The following CEP76 variants were observed in gnomAD, a reference collection of about 807,000 sequenced individuals.
CEP76 encodes centrosomal protein of 76 kDa.
A neutral mutation model predicts 83.3 loss-of-function variants in CEP76; 55 were observed. The ratio of observed to expected loss-of-function variants is 0.66; its 90% CI spans 0.53 to 0.83. CEP76 has a LOEUF of 0.83. Ranked by LOEUF, CEP76 falls within the 40% of genes least tolerant of loss-of-function variation. The pLI, the probability that CEP76 is intolerant of heterozygous loss-of-function variation, is 0.00. For missense variants in CEP76, 694 were observed against 799.5 expected (o/e 0.87, Z 1.59); for synonymous variants, 270 against 274.5 (o/e 0.98, Z 0.16).
Position 12,695,277 on chromosome 18 carries a change from A to G in CEP76, c.781T>C (p.Ser261Pro). The G allele has an allele frequency of 6.5e-7, 1 of 1,550,184 alleles. No homozygotes were observed. The highest frequency in any genetic ancestry group is 1.2e-5 in the South Asian group (1 of 86,170). The change falls in exon 6 of 12, where the codon TCT becomes CCT. Residue 261 changes from serine (S) to proline (P), a missense_variant. Ser to Pro is a moderately conservative substitution (Grantham distance 74). Coordinates refer to ENST00000262127, the MANE Select transcript of CEP76 (RefSeq NM_024899.4). ...EMYPPLNQTLSQEVVNTQLAL... is the reference protein window; with the variant it reads ...EMYPPLNQTLPQEVVNTQLAL... ...ACCTGTGTGTTCACTACTTCTTGAG[A>G]TAACGTTTGATTGAGTGGTGGATAC...
rs1173362967 is a variant in CEP76 at position 12,673,523 on chromosome 18, T to A, written c.1842-20A>T. On this transcript the variant is annotated intron_variant, in intron 11 of 11. Coordinates refer to ENST00000262127, the MANE Select transcript of CEP76 (RefSeq NM_024899.4). ...GGAGATCTATTTAAGAAAAAAAAAA[T>A]TATTCAATTAAGAAGTGACCATACA... 20 of 1,519,166 alleles carry A rather than the reference T, an allele frequency of 1.3e-5. No homozygotes were observed. The highest frequency in any genetic ancestry group is 2.3e-5 in the Admixed American group (1 of 43,886). 94.1% of individuals were successfully genotyped at this position (1,519,166 alleles called of 1,614,324 possible). A position where few individuals can be genotyped will look rare whatever the true frequency, so the allele number is the denominator to read the frequency against.
downstream of CEP76, among the ~76,000 whole-genome samples, chr18:12,669,418 T>C (rs904658766): frequency 1.3e-5 from 2 of 151,928 alleles, no homozygotes; most frequent in Non-Finnish European, 2.9e-5. Flanking sequence ...GGCCCCAATT[T>C]TTTTTATTTT....
intron 5 of CEP76, among the ~76,000 whole-genome samples, chr18:12,696,527 C>A (rs28655556): frequency 6.0e-5 from 9 of 150,640 alleles, no homozygotes; most frequent in African/African-American, 2.0e-4. Context: ...TAATAATAAT[C>A]TAAATTACTA....
chr18:12,691,227 T>C, intron 7 of CEP76, 132 bp downstream of exon 7: 1 of 574,726 alleles, frequency 1.7e-6, no homozygotes, highest in Non-Finnish European at 2.8e-6. Flanking sequence ...TATTACAAAA[T>C]CAGCATTTTA....
intron 12 of CEP76, among the ~76,000 whole-genome samples, chr18:12,666,273 G>A (rs761023512): frequency 1.3e-5 from 2 of 152,008 alleles, no homozygotes; most frequent in Non-Finnish European, 2.9e-5. Context: ...GGTTAAAAGT[G>A]AGCTGTGATC....
intron 12 of CEP76, among the ~76,000 whole-genome samples, chr18:12,662,437 T>C (rs1471066570): frequency 1.3e-5 from 2 of 152,246 alleles, no homozygotes; most frequent in Admixed American, 6.5e-5. Context: ...AGCTCAGCTC[T>C]TTCTCCTACA....
intron 8 of CEP76, among the ~76,000 whole-genome samples, chr18:12,683,567 A>G (rs186741826): frequency 5.9e-4 from 90 of 152,096 alleles, no homozygotes; most frequent in African/African-American, 2.0e-3. Flanking sequence ...CCTAGCCAAC[A>G]CAGTGAAACC....
chr18:12,676,378 G>A (rs774186112), intron 10 of CEP76, among the ~76,000 whole-genome samples: 28 of 140,268 alleles, frequency 2.0e-4, no homozygotes, highest in South Asian at 1.8e-3. Flanking sequence ...CTGCCTCCCC[G>A]GCTCCTTTCA....
downstream of CEP76, among the ~76,000 whole-genome samples, chr18:12,669,246 G>A (rs150389184): frequency 8.8e-3 from 1,332 of 151,700 alleles, 26 homozygotes; most frequent in African/African-American, 0.03. Context: ...CCGAGTAGCT[G>A]GGAATACAGG....
Position 12,699,862 on chromosome 18 carries a change from A to G in CEP76, c.263T>C (p.Ile88Thr), listed in dbSNP as rs762421448. ...QELPSSPKQP[I>T]CFDRQSTLKK... Reference sequence around the variant, plus strand: ...TAATGTCGATTGTCTATCAAAACAAATAGGTTGTTTTGGAGAGGAAGGGAG... The same window carrying G: ...TAATGTCGATTGTCTATCAAAACAAGTAGGTTGTTTTGGAGAGGAAGGGAG... The change falls in exon 3 of 12, where the codon ATT (isoleucine) becomes ACT (threonine). Residue 88 changes from isoleucine to threonine, a missense_variant. By Grantham distance (89) the Ile-to-Thr change is moderately conservative. Coordinates refer to ENST00000262127, the MANE Select transcript of CEP76 (RefSeq NM_024899.4). 6.3e-7 allele frequency: 1 copy of G among 1,595,584 alleles called. No homozygotes were observed. The highest frequency in any genetic ancestry group is 1.1e-5 in the South Asian group (1 of 87,444).
intron 1 of CEP76, among the ~76,000 whole-genome samples, chr18:12,701,755 C>A (rs913348935): frequency 6.6e-6 from 1 of 152,214 alleles, no homozygotes; most frequent in African/African-American, 2.4e-5. Context: ...TTAGTAACTT[C>A]TCTTCCATGA....
At chr18:12,685,571 A>C (rs534985304) in intron 8 of CEP76, 1 of 152,238 alleles carries the variant, frequency 6.6e-6, no homozygotes, top group South Asian at 2.1e-4. Flanking sequence ...TAGCACCCCA[A>C]AGCGGTTAGT....
At position 12,701,436 on chromosome 18, in the gene CEP76, G is replaced by C. The variant is rs1483873405; in HGVS notation, c.64-323C>G. ...TATGATCTTATTACTTTCATACTTT[G>C]ATCTGCCTAATGATAAGGGAATCTT... On this transcript the variant is annotated intron_variant, in intron 1 of 11. Transcript: ENST00000262127. Among the ~76,000 whole-genome samples the C allele has an allele frequency of 2.0e-5, 3 of 152,252 alleles. No individual in the cohort carries two copies. The East Asian group carries it at 5.8e-4, about 29-fold the overall frequency.
intron 10 of CEP76, 57 bp from the exon 11 acceptor site, chr18:12,674,810 A>AGT (rs1161853842): frequency 9.1e-7 from 1 of 1,098,488 alleles, no homozygotes; most frequent in Non-Finnish European, 1.3e-6. Context: ...TTTAAAACCA[A>AGT]CTAAATAAAA....
chr18:12,696,300 C>T (rs1257895301), intron 5 of CEP76, among the ~76,000 whole-genome samples: 3 of 152,080 alleles, frequency 2.0e-5, no homozygotes, highest in South Asian at 2.1e-4. Flanking sequence ...GTCAAGAGAT[C>T]GAGACCATCC....
At chr18:12,691,602 T>C (rs1307900958) in intron 6 of CEP76, 115 bp from the exon 7 acceptor site, 4 of 698,284 alleles carry the variant, frequency 5.7e-6, no homozygotes, top group Non-Finnish European at 9.1e-6. Flanking sequence ...TGAGTCATCA[T>C]CATCTTCTAT....
chr18:12,673,182 C>A lies in CEP76; in HGVS notation c.*183G>T. On this transcript the variant is annotated 3_prime_UTR_variant, in exon 12 of 12. Coordinates refer to ENST00000262127, the MANE Select transcript of CEP76 (RefSeq NM_024899.4). ...AGGGAGATTTATACAAGTTTTTCAG[C>A]CTTAATTTTTAAAGGAATGCATGAT... 7.9e-7 allele frequency: 1 copy of A among 1,268,332 alleles called. No homozygotes were observed. The highest frequency in any genetic ancestry group is 4.0e-5 in the Admixed American group (1 of 25,182). The allele number at this position is 1,268,332 out of a possible 1,614,324, so 78.6% of individuals were successfully genotyped here. A position where few individuals can be genotyped will look rare whatever the true frequency, so the allele number is the denominator to read the frequency against.
intron 9 of CEP76, among the ~76,000 whole-genome samples, chr18:12,679,718 C>G (rs927628530): frequency 2.0e-5 from 3 of 152,134 alleles, no homozygotes; most frequent in African/African-American, 7.2e-5. Flanking sequence ...AAAAAGAAAT[C>G]ATCATTTACA....
chr18:12,687,312 T>C (rs1035972304), intron 7 of CEP76, among the ~76,000 whole-genome samples: 8 of 152,104 alleles, frequency 5.3e-5, no homozygotes, highest in Non-Finnish European at 8.8e-5. Flanking sequence ...TTTTCCAATA[T>C]AGTCCCATAC....
Sources: allele counts gnomAD v4.1 joint callset (sites outside exome capture counted in the v4.1 genomes callset), GRCh38; gene constraint gnomAD v4.1.1; transcripts MANE v1.5; gene names NCBI Gene and HGNC (gene_info 2026-07-23, HGNC 2026-07-21).